KLHL29: variants seen among roughly 807,000 people sequenced by gnomAD.
KLHL29 encodes kelch like family member 29, also known as kelch-like protein 29.
KLHL29 carries 21 observed loss-of-function variants against 80.4 expected under a neutral mutation model. The ratio of observed to expected loss-of-function variants is 0.26; its 90% confidence interval spans 0.19 to 0.38. The LOEUF (loss-of-function observed/expected upper bound fraction) is 0.38, where lower values mean the gene tolerates loss of function less well. Among genes scored for constraint, KLHL29 ranks in the 10% least tolerant of loss-of-function variants. The pLI is 1.00. For missense variants in KLHL29, 867 were observed against 1,223.9 expected, an observed-to-expected ratio of 0.71 and a Z score of 4.35; for synonymous variants, 511 against 526.8, an observed-to-expected ratio of 0.97 and a Z score of 0.41.
chr2:23,464,905 T>G (rs1182379653), intron 1 of KLHL29, among the ~76,000 whole-genome samples: 2 of 152,228 alleles, frequency 1.3e-5, no homozygotes, highest in Non-Finnish European at 2.9e-5. Flanking sequence ...AAAATGCCCA[T>G]AATCAATGCT....
At chr2:23,433,864 A>C (rs1354825591) in intron 1 of KLHL29, among the ~76,000 whole-genome samples, 1 of 152,172 alleles carries the variant, frequency 6.6e-6, no homozygotes, top group Non-Finnish European at 1.5e-5. Flanking sequence ...GGCTGCAGTA[A>C]GTTACAATCA....
At chr2:23,507,735 C>T (rs984523331) in intron 2 of KLHL29, among the ~76,000 whole-genome samples, 1 of 152,136 alleles carries the variant, frequency 6.6e-6, no homozygotes, top group Non-Finnish European at 1.5e-5. Context: ...CCCAAAGCAG[C>T]CTGTTTGTTC....
In KLHL29 at chr2:23,682,242, T is replaced by C. The variant is rs1671106330; in HGVS notation, c.941-2157T>C. Among the ~76,000 whole-genome samples the C allele has an allele frequency of 6.6e-6, 1 of 152,202 alleles. No homozygotes were observed. Among genetic ancestry groups the C allele is most frequent in the Non-Finnish European group, 1.5e-5 (1 of 68,036 alleles). On this transcript the variant is annotated intron_variant, in intron 5 of 13. Transcript: ENST00000486442. This position sits in a 1 kb window ranked among gnomAD's most constrained non-coding sequence, Gnocchi z 4.1. Reference sequence around the variant, plus strand: ...GAAAGACCGTCACCATCAGCAGCACTGCACACTCCCACCCGCTGAGCGCTC... The same window carrying C: ...GAAAGACCGTCACCATCAGCAGCACCGCACACTCCCACCCGCTGAGCGCTC...
In KLHL29 at chr2:23,695,903, C is replaced by T. The variant is rs1041195338; in HGVS notation, c.1742-48C>T. The T allele has an allele frequency of 2.1e-5, 33 of 1,538,102 alleles. No individual in the cohort carries two copies. Among genetic ancestry groups the T allele is most frequent in the East Asian group, 9.8e-5 (4 of 40,822 alleles). On this transcript the variant is annotated intron_variant, in intron 9 of 13. Transcript: ENST00000486442. The surrounding 1 kb of genome is among the most constrained non-coding windows in gnomAD (Gnocchi z 7.6). ...CCAGTGAGGTGCCAGGCACAGATGC[C>T]GACAGTCTTAGAGTGTGTCCCAAGG...
chr2:23,658,004 C>G (rs1377114257), intron 5 of KLHL29, among the ~76,000 whole-genome samples: 3 of 152,146 alleles, frequency 2.0e-5, no homozygotes, highest in Non-Finnish European at 2.9e-5. Context: ...GGCTGTGCGT[C>G]TCAGCCCCTC....
chr2:23,658,035 C>T (rs538442882), intron 5 of KLHL29, among the ~76,000 whole-genome samples: 1 of 152,210 alleles, frequency 6.6e-6, no homozygotes, highest in East Asian at 1.9e-4. Flanking sequence ...GCACCCAGAA[C>T]AGCCTGTGAG....
Position 23,703,267 on chromosome 2 carries a change from C to G in KLHL29, c.2187C>G (p.Gly729=). ...ACTCTGCTGCAGCCACAGTGTGTGG[C>G]GGCAAGATCTACGTGTTTGGTGGGG... ...AVHSAAATVC[G]GKIYVFGGVN... Residue 729 remains glycine (G), a synonymous_variant, in exon 12 of 14, where the codon GGC becomes GGG. Transcript: ENST00000486442. 1 of 1,548,144 alleles carries G rather than the reference C, an allele frequency of 6.5e-7. No individual in the cohort carries two copies. The highest frequency in any genetic ancestry group is 1.2e-5 in the South Asian group (1 of 83,564).
intron 2 of KLHL29, among the ~76,000 whole-genome samples, chr2:23,476,414 C>T (rs1664643247): frequency 6.6e-6 from 1 of 151,988 alleles, no homozygotes; most frequent in Non-Finnish European, 1.5e-5. Flanking sequence ...AATCCTGTTC[C>T]CCAGAGATAA....
At chr2:23,559,346 G>C (rs1667382702) in intron 2 of KLHL29, among the ~76,000 whole-genome samples, 1 of 152,148 alleles carries the variant, frequency 6.6e-6, no homozygotes, top group Non-Finnish European at 1.5e-5. Flanking sequence ...TTTAAAGCAG[G>C]AAAGTAAAGT....
chr2:23,492,885 C>A (rs1159808109), intron 2 of KLHL29, among the ~76,000 whole-genome samples: 1 of 152,194 alleles, frequency 6.6e-6, no homozygotes, highest in Non-Finnish European at 1.5e-5. Context: ...CACGATACTA[C>A]GATGCAGCCC....
intron 5 of KLHL29, chr2:23,643,163 C>G: frequency 1.9e-6 from 1 of 524,284 alleles, no homozygotes; most frequent in South Asian, 1.9e-5. Context: ...CACCTCCAAC[C>G]CCCAAGGCCA....
At chr2:23,545,636 G>A (rs1309942573) in intron 2 of KLHL29, among the ~76,000 whole-genome samples, 2 of 152,200 alleles carry the variant, frequency 1.3e-5, no homozygotes, top group African/African-American at 4.8e-5. Flanking sequence ...AAATTTGCCA[G>A]GCACTTCCTC....
intron 2 of KLHL29, among the ~76,000 whole-genome samples, chr2:23,517,930 A>C (rs1665989756): frequency 6.6e-6 from 1 of 152,206 alleles, no homozygotes; most frequent in South Asian, 2.1e-4. Context: ...GTTCTCCCTC[A>C]GACCCTCATG....
chr2:23,667,203 C>T (rs1670576553), intron 5 of KLHL29: 1 of 152,236 alleles, frequency 6.6e-6, no homozygotes. Flanking sequence ...TTTGCATAAA[C>T]ATATGTATGG....
chr2:23,430,530 GAGA>G (rs1663142286), intron 1 of KLHL29, among the ~76,000 whole-genome samples: 2 of 152,182 alleles, frequency 1.3e-5, no homozygotes. Context: ...ATCCCTCCCT[GAGA>G]AGGACTCTCT....
In KLHL29 at chr2:23,385,962, C is replaced by T. The variant is rs546468125; in HGVS notation, c.-154+182C>T. Among the ~76,000 whole-genome samples the T allele has an allele frequency of 3.4e-4, 52 of 152,094 alleles. 1 individual carries two copies. Among genetic ancestry groups the T allele is most frequent in the Admixed American group, 2.9e-3 (45 of 15,298 alleles). ...CTCCCGCGTCTGGACTCGCAGGCTG[C>T]AGGAGCCCTTGCGCCTGCGCTGCTC... On this transcript the variant is annotated intron_variant, in intron 1 of 13. Coordinates refer to ENST00000486442, the MANE Select transcript of KLHL29 (RefSeq NM_052920.2).
chr2:23,438,575 G>A (rs983044817), intron 1 of KLHL29, among the ~76,000 whole-genome samples: 23 of 150,548 alleles, frequency 1.5e-4, no homozygotes, highest in African/African-American at 5.7e-4. Context: ...TAGTCATGTG[G>A]TTTTTGTCTT....
In KLHL29 at chr2:23,503,661, G is replaced by A. The variant is rs1013716404; in HGVS notation, c.-46+27994G>A. The stretch of plus-strand genomic sequence containing the variant: ...CCTTTGTTGGGTAGGAGCTGCCCCC[G>A]TCCATGTTCCAGCTCCTCCCAGGCC... On this transcript the variant is annotated intron_variant, in intron 2 of 13. Transcript: ENST00000486442. The surrounding 1 kb of genome is among the most constrained non-coding windows in gnomAD (Gnocchi z 4.0). 2.6e-5 allele frequency among the ~76,000 whole-genome samples: 4 copies of A among 151,784 alleles called. No homozygotes were observed. Among genetic ancestry groups the A allele is most frequent in the South Asian group, 2.1e-4 (1 of 4,810 alleles).
At chr2:23,673,635 T>C (rs1007664186) in intron 5 of KLHL29, among the ~76,000 whole-genome samples, 11 of 139,040 alleles carry the variant, frequency 7.9e-5, no homozygotes, top group African/African-American at 1.1e-4. Context: ...CACACACACA[T>C]ACACACACAC....
Sources: gnomAD v4.1 joint callset for allele counts (sites outside exome capture counted in the v4.1 genomes callset) on GRCh38, gnomAD v4.1.1 for gene constraint, Gnocchi (gnomAD v3.1) non-coding constraint, MANE v1.5 for transcripts, NCBI Gene and HGNC (gene_info 2026-07-23, HGNC 2026-07-21) for gene names.